The following TBXAS1 variants were observed in gnomAD, a reference collection of about 807,000 sequenced individuals.
TBXAS1 encodes thromboxane A synthase 1, also known as thromboxane-A synthase.
A neutral mutation model predicts 60.7 loss-of-function variants in TBXAS1; 48 were observed. That is an observed-to-expected ratio of 0.79 (90% CI 0.63 to 1.01). TBXAS1 has a LOEUF of 1.01. Ranked by LOEUF, TBXAS1 falls within the 50% of genes least tolerant of loss-of-function variation. TBXAS1 has a pLI of 0.00. For synonymous variants in TBXAS1, 287 were observed against 269.7 expected, an observed-to-expected ratio of 1.06 and a Z score of -0.63; for missense variants, 685 against 686.3, an observed-to-expected ratio of 1.00 and a Z score of 0.02.
intron 4 of TBXAS1, among the ~76,000 whole-genome samples, chr7:139,797,816 G>T (rs1042387106): frequency 6.6e-6 from 1 of 152,176 alleles, no homozygotes; most frequent in Non-Finnish European, 1.5e-5. Flanking sequence ...AAGCCACACT[G>T]CCCTCAGAGT....
chr7:139,872,528 C>A (rs1264334698), intron 2 of TBXAS1, among the ~76,000 whole-genome samples, 200 bp downstream of exon 2: 1 of 152,144 alleles, frequency 6.6e-6, no homozygotes, highest in African/African-American at 2.4e-5. Flanking sequence ...GTGGCTCATG[C>A]CTGTAATCCC....
At chr7:139,964,933 G>A (rs1810667086) in intron 9 of TBXAS1, among the ~76,000 whole-genome samples, 1 of 152,208 alleles carries the variant, frequency 6.6e-6, no homozygotes, top group Admixed American at 6.5e-5. Context: ...GCTCATGTTA[G>A]GCCAGGCACA....
At chr7:139,992,220 C>G (rs560154266) in intron 9 of TBXAS1, among the ~76,000 whole-genome samples, 1 of 152,218 alleles carries the variant, frequency 6.6e-6, no homozygotes, top group Non-Finnish European at 1.5e-5. Context: ...CCAGCATCTC[C>G]GCTGCTTTGA....
upstream of TBXAS1, among the ~76,000 whole-genome samples, chr7:139,825,760 C>T (rs543429507): frequency 2.0e-5 from 3 of 152,294 alleles, no homozygotes; most frequent in South Asian, 6.2e-4. Context: ...GTTTTCACCT[C>T]TGTAAAAAAG....
chr7:139,880,743 T>C (rs1406651390), intron 3 of TBXAS1, among the ~76,000 whole-genome samples: 1 of 152,204 alleles, frequency 6.6e-6, no homozygotes, highest in African/African-American at 2.4e-5. Context: ...AAACATCTCT[T>C]ACTTTTACAA....
At chr7:139,841,277 A>G (rs1266170637) in intron 1 of TBXAS1, among the ~76,000 whole-genome samples, 2 of 152,204 alleles carry the variant, frequency 1.3e-5, no homozygotes, top group Non-Finnish European at 2.9e-5. Context: ...CTTGAAATGC[A>G]GGGAAGAATT....
chr7:139,860,031 C>T (rs977833517), intron 1 of TBXAS1, among the ~76,000 whole-genome samples: 37 of 152,108 alleles, frequency 2.4e-4, no homozygotes, highest in Admixed American at 2.0e-3. Flanking sequence ...CCTAGCTATC[C>T]GGGAGGCTGA....
intron 5 of TBXAS1, among the ~76,000 whole-genome samples, chr7:139,948,696 A>G (rs1465118714): frequency 6.6e-6 from 1 of 152,222 alleles, no homozygotes; most frequent in African/African-American, 2.4e-5. Flanking sequence ...TTGTGTATTC[A>G]TCTGTGCATG....
chr7:139,991,077 T>C (rs1812863347), intron 9 of TBXAS1, among the ~76,000 whole-genome samples: 2 of 152,208 alleles, frequency 1.3e-5, no homozygotes, highest in South Asian at 4.1e-4. Flanking sequence ...GAAACGTGGC[T>C]GGAACGACGC....
chr7:139,946,112 C>T lies in TBXAS1; in HGVS notation c.451-7256C>T, dbSNP rs1339226343. ...CTTCAAGAGGCCAAGGTGGGAGGAT[C>T]GTTTGAACCCAGGAGTTCAAGACCA... On this transcript the variant is annotated intron_variant, in intron 5 of 12. Coordinates refer to ENST00000448866, the MANE Select transcript of TBXAS1 (RefSeq NM_001061.7). 3.9e-5 allele frequency among the ~76,000 whole-genome samples: 6 copies of T among 152,238 alleles called. No individual in the cohort carries two copies. In the East Asian group the frequency reaches 7.7e-4, roughly 20 times the overall value.
At chr7:139,980,205 T>C (rs758139848) in intron 9 of TBXAS1, among the ~76,000 whole-genome samples, 5 of 152,210 alleles carry the variant, frequency 3.3e-5, no homozygotes, top group Non-Finnish European at 7.3e-5. Context: ...AATGGTATCC[T>C]GTTAAATTTC....
At chr7:139,828,366 A>G (rs573210695), upstream of TBXAS1, among the ~76,000 whole-genome samples, 1 of 152,248 alleles carries the variant, frequency 6.6e-6, no homozygotes, top group Admixed American at 6.5e-5. Context: ...TTCATTGAAT[A>G]TTTCTCCCAT....
In TBXAS1 at chr7:139,875,663, T is replaced by G. The variant is rs1802175146; in HGVS notation, c.236+26T>G. 2.5e-6 allele frequency: 4 copies of G among 1,613,512 alleles called. No individual in the cohort carries two copies. The African/African-American group carries it at 5.3e-5, about 22-fold the overall frequency. ...GTAAGAAGGAAACTCAACGTTTCTATTATGTACGATATTTTCTATTATGTA... is the reference window on the plus strand; with the variant it reads ...GTAAGAAGGAAACTCAACGTTTCTAGTATGTACGATATTTTCTATTATGTA... On this transcript the variant is annotated intron_variant, in intron 3 of 12. Coordinates refer to ENST00000448866, the MANE Select transcript of TBXAS1 (RefSeq NM_001061.7).
At chr7:139,891,261 A>T (rs538302422) in intron 3 of TBXAS1, among the ~76,000 whole-genome samples, 2 of 150,178 alleles carry the variant, frequency 1.3e-5, no homozygotes, top group East Asian at 1.9e-4. Context: ...ATTTATTTAT[A>T]TATATATATT....
chr7:139,781,569 C>T lies in TBXAS1; in HGVS notation c.-233+745C>T, dbSNP rs911283745. Among the ~76,000 whole-genome samples, 7 of 152,108 alleles carry T rather than the reference C, an allele frequency of 4.6e-5. No individual in the cohort carries two copies. In the South Asian group the frequency reaches 6.2e-4, roughly 14 times the overall value. On this transcript the variant is annotated intron_variant, in intron 2 of 16. Coordinates refer to the TBXAS1 transcript ENST00000336425. ...AAAAGCAGCTGGGTGCTGTGGCTCA[C>T]GCCTGTAATCCCAGCACTTTGGGAG... is the stretch of plus-strand genomic sequence containing the variant.
In TBXAS1 at chr7:139,975,345, G is replaced by C. The variant is rs1445451853; in HGVS notation, c.1134+13112G>C. Reference sequence around the variant, plus strand: ...GAACATAAGATAATACCCTAGGACAGGGCCTAGGTCGGATTGGCACTCACG... The same window carrying C: ...GAACATAAGATAATACCCTAGGACACGGCCTAGGTCGGATTGGCACTCACG... On this transcript the variant is annotated intron_variant, in intron 9 of 12. Transcript: ENST00000448866. This position sits in a 1 kb window ranked among gnomAD's most constrained non-coding sequence, Gnocchi z 4.4. Among the ~76,000 whole-genome samples the C allele has an allele frequency of 6.6e-6, 1 of 152,166 alleles. No individual in the cohort carries two copies. Among genetic ancestry groups the C allele is most frequent in the Non-Finnish European group, 1.5e-5 (1 of 68,030 alleles).
intron 1 of TBXAS1, among the ~76,000 whole-genome samples, chr7:139,833,575 C>T (rs943113365): frequency 2.3e-4 from 34 of 147,822 alleles, no homozygotes; most frequent in Middle Eastern, 7.4e-3. Flanking sequence ...GTCCCAGCTA[C>T]TTGGGAGGCT....
chr7:139,815,398 G>A (rs1025410866), intron 4 of TBXAS1, among the ~76,000 whole-genome samples: 1 of 152,170 alleles, frequency 6.6e-6, no homozygotes, highest in Admixed American at 6.5e-5. Flanking sequence ...TCCATGAAGA[G>A]GTTCCCTCTT....
intron 3 of TBXAS1, 124 bp downstream of exon 3, chr7:139,875,761 A>G (rs190842497): frequency 8.5e-6 from 11 of 1,300,794 alleles, no homozygotes; most frequent in East Asian, 4.9e-5. Context: ...ATGTGTTTCT[A>G]TTTTTCAAAG....
Sources: gnomAD v4.1 joint callset for allele counts (sites outside exome capture counted in the v4.1 genomes callset) on GRCh38, gnomAD v4.1.1 for gene constraint, Gnocchi (gnomAD v3.1) non-coding constraint, MANE v1.5 for transcripts, NCBI Gene and HGNC (gene_info 2026-07-23, HGNC 2026-07-21) for gene names.